Variants in LPP observed in about 807,000 individuals in gnomAD.
The protein encoded by LPP is LIM domain containing preferred translocation partner in lipoma.
In LPP, 38 loss-of-function variants were observed where a neutral mutation model predicts 60.4. That is an observed-to-expected ratio of 0.63 (90% CI 0.49 to 0.83). LPP has a LOEUF of 0.83. Among genes scored for constraint, LPP ranks in the 40% least tolerant of loss-of-function variants. LPP has a pLI of 0.00. For synonymous variants in LPP, 328 were observed against 290.8 expected (o/e 1.13, Z -1.30); for missense variants, 902 against 783.6 (o/e 1.15, Z -1.80).
intron 5 of LPP, among the ~76,000 whole-genome samples, chr3:188,494,687 A>G (rs111561601): frequency 0.037 from 5,699 of 151,982 alleles, 377 homozygotes; most frequent in African/African-American, 0.13. Context: ...ATCTAAGCCA[A>G]AGAAAGCTTC....
intron 2 of LPP, among the ~76,000 whole-genome samples, chr3:188,335,288 A>G (rs1761332181): frequency 1.3e-5 from 2 of 152,202 alleles, no homozygotes; most frequent in South Asian, 4.1e-4. Flanking sequence ...ATCTAATGAG[A>G]TAATCATGGT....
chr3:188,829,506 G>T (rs1756557966), intron 9 of LPP, among the ~76,000 whole-genome samples: 1 of 152,126 alleles, frequency 6.6e-6, no homozygotes, highest in Non-Finnish European at 1.5e-5. Context: ...TTAACACTTT[G>T]CAGTTGAAGA....
At chr3:188,379,783 T>C (rs908000525) in intron 3 of LPP, among the ~76,000 whole-genome samples, 4 of 152,146 alleles carry the variant, frequency 2.6e-5, no homozygotes, top group African/African-American at 9.7e-5. Flanking sequence ...TTTTGATTGG[T>C]GAAGAATAGA....
chr3:188,866,337 G>A lies in LPP; in HGVS notation c.1548G>A (p.Val516=). The A allele has an allele frequency of 6.4e-7, 1 of 1,572,728 alleles. No homozygotes were observed. The highest frequency in any genetic ancestry group is 1.2e-5 in the South Asian group (1 of 85,304). Reference sequence around the variant, plus strand: ...GCCTGGATGGGATCCCATTCACTGTGGATGCTGGCGGGCTCATTCACTGCA... The same window carrying A: ...GCCTGGATGGGATCCCATTCACTGTAGATGCTGGCGGGCTCATTCACTGCA... ...HRSLDGIPFT[V]DAGGLIHCIE... Residue 516 remains valine, a synonymous_variant, in exon 10 of 12, where the codon GTG becomes GTA. Coordinates refer to ENST00000617246, the MANE Select transcript of LPP (RefSeq NM_001375462.1).
At chr3:188,711,287 T>C (rs1866584479) in intron 8 of LPP, 1 of 152,224 alleles carries the variant, frequency 6.6e-6, no homozygotes, top group South Asian at 2.1e-4. Flanking sequence ...ATTTACATTA[T>C]AGGAATTAAC....
chr3:188,353,390 A>C (rs1050228426), intron 3 of LPP, among the ~76,000 whole-genome samples: 2 of 152,212 alleles, frequency 1.3e-5, no homozygotes, highest in Admixed American at 6.5e-5. Flanking sequence ...TATTTTGTGG[A>C]AAAATGTTCT....
chr3:188,457,844 G>A (rs1798103029), intron 4 of LPP, among the ~76,000 whole-genome samples: 1 of 151,918 alleles, frequency 6.6e-6, no homozygotes. Context: ...AGGAGGTGGA[G>A]GTTGCAGTGA....
intron 6 of LPP, among the ~76,000 whole-genome samples, chr3:188,573,495 AC>A (rs766737402): frequency 1.9e-4 from 29 of 152,048 alleles, no homozygotes; most frequent in Admixed American, 3.9e-4. Context: ...CCACTGACTT[AC>A]GTCGTAGCTT....
At chr3:188,781,749 G>A (rs956312459) in intron 9 of LPP, among the ~76,000 whole-genome samples, 54 of 151,724 alleles carry the variant, frequency 3.6e-4, no homozygotes, top group Admixed American at 9.8e-4. Context: ...AAAATTAGCC[G>A]GACATGGTGG....
At chr3:188,467,952 T>C (rs1800879062) in intron 4 of LPP, among the ~76,000 whole-genome samples, 1 of 152,216 alleles carries the variant, frequency 6.6e-6, no homozygotes, top group Non-Finnish European at 1.5e-5. Context: ...TTGTGGTACT[T>C]TGTTGTAGTA....
intron 5 of LPP, among the ~76,000 whole-genome samples, chr3:188,490,362 G>C (rs1037340783): frequency 1.3e-5 from 2 of 152,106 alleles, no homozygotes; most frequent in South Asian, 4.1e-4. Flanking sequence ...ACAATTCAAA[G>C]CTCATATATG....
intron 2 of LPP, among the ~76,000 whole-genome samples, chr3:188,284,860 T>C (rs980446213): frequency 1.3e-5 from 2 of 152,210 alleles, no homozygotes; most frequent in African/African-American, 2.4e-5. Flanking sequence ...GTTTCACTGT[T>C]TGATAGCATC....
chr3:188,319,880 A>G (rs528712878), intron 2 of LPP, among the ~76,000 whole-genome samples: 9 of 152,034 alleles, frequency 5.9e-5, no homozygotes, highest in South Asian at 4.1e-4. Context: ...GCTGCTGTGC[A>G]TTTAGTCATC....
intron 8 of LPP, chr3:188,743,730 C>A (rs899085692): frequency 6.6e-6 from 1 of 151,890 alleles, no homozygotes; most frequent in Non-Finnish European, 1.5e-5. Flanking sequence ...GAATTCCCAA[C>A]CACTCTGCTT....
intron 3 of LPP, among the ~76,000 whole-genome samples, chr3:188,351,092 A>G (rs1423185536): frequency 1.3e-5 from 2 of 152,112 alleles, no homozygotes; most frequent in African/African-American, 4.8e-5. Context: ...CTCATCCCTC[A>G]TACATATTTT....
Position 188,206,080 on chromosome 3 carries a change from G to T in LPP, c.-189-19325G>T, listed in dbSNP as rs1002704254. Among the ~76,000 whole-genome samples the T allele has an allele frequency of 1.1e-4, 17 of 152,306 alleles. No individual in the cohort carries two copies. The East Asian group carries it at 3.3e-3, about 29-fold the overall frequency. On this transcript the variant is annotated intron_variant, in intron 1 of 11. Transcript: ENST00000617246. The stretch of plus-strand genomic sequence containing the variant: ...TGGCTTAGCACGAGTCACGAGATGT[G>T]ACGGGTCTGAGACCTCTCAGCCTAG...
At chr3:188,591,167 T>A (rs990223916) in intron 6 of LPP, among the ~76,000 whole-genome samples, 3 of 152,196 alleles carry the variant, frequency 2.0e-5, no homozygotes, top group Non-Finnish European at 4.4e-5. Context: ...TATGTTGTGC[T>A]TTCCCACAAA....
chr3:188,518,748 A>G (rs1414032840), intron 5 of LPP, among the ~76,000 whole-genome samples: 1 of 152,204 alleles, frequency 6.6e-6, no homozygotes, highest in African/African-American at 2.4e-5. Context: ...GACGCTGGGC[A>G]TTGGATCTAA....
intron 9 of LPP, among the ~76,000 whole-genome samples, chr3:188,772,922 A>G (rs1284171652): frequency 6.6e-6 from 1 of 152,132 alleles, no homozygotes; most frequent in Non-Finnish European, 1.5e-5. Context: ...CTATGTATGT[A>G]TAAGAAGGAA....
Sources: gnomAD v4.1 joint callset for allele counts (sites outside exome capture counted in the v4.1 genomes callset) on GRCh38, gnomAD v4.1.1 for gene constraint, MANE v1.5 for transcripts, NCBI Gene and HGNC (gene_info 2026-07-23, HGNC 2026-07-21) for gene names.